ETS1: variants seen among roughly 807,000 people sequenced by gnomAD.
The protein encoded by ETS1 is ETS proto-oncogene 1, transcription factor, also known as protein C-ets-1.
ETS1 carries 15 observed loss-of-function variants against 58.6 expected under a neutral mutation model. The observed-to-expected ratio is 0.26, with a 90% CI of 0.17 to 0.39. ETS1 has a LOEUF of 0.39. ETS1 is among the 10% of genes least tolerant of loss of function. The probability of loss-of-function intolerance (pLI) is 1.00; values close to 1 mark genes in which losing one functional copy is unlikely to be tolerated. For synonymous variants in ETS1, 214 were observed against 218.2 expected, an observed-to-expected ratio of 0.98 and a Z score of 0.17; for missense variants, 417 against 610.5, an observed-to-expected ratio of 0.68 and a Z score of 3.34.
At chr11:128,531,184 C>T (rs543537329) in intron 3 of ETS1, among the ~76,000 whole-genome samples, 28 of 152,266 alleles carry the variant, frequency 1.8e-4, no homozygotes, top group African/African-American at 2.9e-4. Flanking sequence ...AGTAAATAGA[C>T]GAGAGTTTGA....
In ETS1 at chr11:128,466,831, T is replaced by C. The variant is rs148992667; in HGVS notation, c.1124-3204A>G. Among the ~76,000 whole-genome samples the C allele has an allele frequency of 5.9e-4, 90 of 151,908 alleles. 2 individuals are homozygous for C. In the East Asian group the frequency reaches 0.015, roughly 26 times the overall value. On this transcript the variant is annotated intron_variant, in intron 8 of 9. Coordinates refer to ENST00000392668, the MANE Select transcript of ETS1 (RefSeq NM_001143820.2). Reference sequence around the variant, plus strand: ...AGGATAGATAGGAAAAGCAGATACCTAAAGAAATAATGGGAATATGAATGG... The same window carrying C: ...AGGATAGATAGGAAAAGCAGATACCCAAAGAAATAATGGGAATATGAATGG...
Position 128,459,842 on chromosome 11 carries a change from A to G in ETS1, c.*2519T>C, listed in dbSNP as rs1861857982. On this transcript the variant is annotated 3_prime_UTR_variant, in exon 10 of 10. Coordinates refer to ENST00000392668, the MANE Select transcript of ETS1 (RefSeq NM_001143820.2). ...GGAGCACTAGGAGGCACTTTCTTAT[A>G]TCTTATCTGCTATAGGAACTGCAGG... 2 of 152,524 alleles carry G rather than the reference A, an allele frequency of 1.3e-5. No homozygotes were observed. Among genetic ancestry groups the G allele is most frequent in the African/African-American group, 4.8e-5 (2 of 41,444 alleles). The allele number at this position is 152,524 out of a possible 1,614,324, so 9.4% of individuals were successfully genotyped here.
rs182520650 is a variant in ETS1 at position 128,558,126 on chromosome 11, G to A, written c.70-1691C>T. On this transcript the variant is annotated intron_variant, in intron 2 of 9. Coordinates refer to ENST00000392668, the MANE Select transcript of ETS1 (RefSeq NM_001143820.2). ...AGAGCTGGATGAAGTTTACTTTGGGGCTGTTTATCTTCCAACTGCATTAAA... is the reference window on the plus strand; with the variant it reads ...AGAGCTGGATGAAGTTTACTTTGGGACTGTTTATCTTCCAACTGCATTAAA... Among the ~76,000 whole-genome samples the A allele has an allele frequency of 1.2e-3, 188 of 152,302 alleles. 2 individuals carry two copies. Among genetic ancestry groups the A allele is most frequent in the African/African-American group, 4.5e-3 (187 of 41,564 alleles).
At chr11:128,551,682 A>G (rs2135553205) in intron 3 of ETS1, among the ~76,000 whole-genome samples, 1 of 152,290 alleles carries the variant, frequency 6.6e-6, no homozygotes, top group South Asian at 2.1e-4. Context: ...TTTTCTCAGT[A>G]TCCCGGGCAT....
Position 128,577,981 on chromosome 11 carries a change from G to A in ETS1, c.-14-4837C>T, listed in dbSNP as rs910845492. 2.0e-5 allele frequency among the ~76,000 whole-genome samples: 3 copies of A among 151,650 alleles called. No homozygotes were observed. In the South Asian group the frequency reaches 6.2e-4, roughly 31 times the overall value. ...AAGCACCCTCATCACCCTGGATGGC[G>A]AGGACAGAAACAAGCATGAGATGGA... On this transcript the variant is annotated intron_variant, in intron 1 of 9. Transcript: ENST00000392668.
rs922868676 is a variant in ETS1 at position 128,509,060 on chromosome 11, C to T, written c.215-18484G>A. On this transcript the variant is annotated intron_variant, in intron 3 of 9. Transcript: ENST00000392668. ...CAATCTCATTAAAAAAACTAAATCG[C>T]TGTTCGGTTCACCCAGCACCCCAGA... is the stretch of plus-strand genomic sequence containing the variant. Among the ~76,000 whole-genome samples, 10 of 152,250 alleles carry T rather than the reference C, an allele frequency of 6.6e-5. No individual in the cohort carries two copies. In the East Asian group the frequency reaches 1.9e-3, roughly 29 times the overall value.
intron 3 of ETS1, among the ~76,000 whole-genome samples, chr11:128,519,253 C>A (rs114908354): frequency 0.016 from 2,388 of 152,212 alleles, 51 homozygotes; most frequent in African/African-American, 0.054. Context: ...CATAAAGGTT[C>A]TTGGTCAGGT....
At chr11:128,475,767 G>A (rs2135431697) in intron 8 of ETS1, among the ~76,000 whole-genome samples, 1 of 152,124 alleles carries the variant, frequency 6.6e-6, no homozygotes, top group Non-Finnish European at 1.5e-5. Flanking sequence ...TAGCCAGGAT[G>A]GTCTCGATCT....
chr11:128,473,556 A>G (rs2135427501), intron 8 of ETS1, among the ~76,000 whole-genome samples: 1 of 152,160 alleles, frequency 6.6e-6, no homozygotes, highest in East Asian at 1.9e-4. Context: ...TCAATTCTAC[A>G]GGGATGGCCC....
intron 3 of ETS1, among the ~76,000 whole-genome samples, chr11:128,498,881 T>A (rs1303677163): frequency 6.6e-6 from 1 of 152,234 alleles, no homozygotes; most frequent in African/African-American, 2.4e-5. Flanking sequence ...CATAGATAAT[T>A]ACACCTGACT....
intron 3 of ETS1, among the ~76,000 whole-genome samples, chr11:128,553,247 G>A (rs77060616): frequency 0.023 from 3,495 of 152,270 alleles, 58 homozygotes; most frequent in African/African-American, 0.052. Context: ...GTAGGAGGAG[G>A]TAGAAATGAA....
At chr11:128,585,742 C>T (rs1475081772) in intron 1 of ETS1, among the ~76,000 whole-genome samples, 1 of 152,216 alleles carries the variant, frequency 6.6e-6, no homozygotes. Flanking sequence ...AGGCGGGGCG[C>T]AAATGATTGC....
Position 128,463,879 on chromosome 11 carries a change from C to T in ETS1, c.1124-252G>A, listed in dbSNP as rs181747380. ...GCTTTATTTTGATTAACTTAAGGAT[C>T]GGTTCATTTTTATTGCTAAACAAAT... On this transcript the variant is annotated intron_variant, in intron 8 of 9. Coordinates refer to ENST00000392668, the MANE Select transcript of ETS1 (RefSeq NM_001143820.2). This position sits in a 1 kb window ranked among gnomAD's most constrained non-coding sequence, Gnocchi z 4.1. 8 of 264,772 alleles carry T rather than the reference C, an allele frequency of 3.0e-5. No individual in the cohort carries two copies. The highest frequency in any genetic ancestry group is 5.2e-5 in the Admixed American group (1 of 19,262). 16.4% of individuals were successfully genotyped at this position (264,772 alleles called of 1,614,324 possible).
intron 6 of ETS1, 76 bp from the exon 7 acceptor site, chr11:128,485,147 C>G: frequency 7.5e-7 from 1 of 1,331,890 alleles, no homozygotes; most frequent in Admixed American, 2.2e-5. Flanking sequence ...ATCTACAGGG[C>G]CCTATGATGT....
intron 8 of ETS1, among the ~76,000 whole-genome samples, chr11:128,469,302 G>A (rs1862121856): frequency 6.6e-6 from 1 of 152,216 alleles, no homozygotes; most frequent in African/African-American, 2.4e-5. Flanking sequence ...GGCTGACTCT[G>A]CCCTGATAGC....
At chr11:128,516,656 G>A (rs1159223823) in intron 3 of ETS1, among the ~76,000 whole-genome samples, 2 of 152,130 alleles carry the variant, frequency 1.3e-5, no homozygotes, top group Non-Finnish European at 2.9e-5. Context: ...GTAGACACCT[G>A]GGGCTGTCTT....
At chr11:128,523,386 C>T (rs1373887741) in intron 3 of ETS1, among the ~76,000 whole-genome samples, 2 of 152,222 alleles carry the variant, frequency 1.3e-5, no homozygotes, top group Admixed American at 6.5e-5. Flanking sequence ...TCAACCAGTA[C>T]ATGTATATAT....
chr11:128,584,675 C>T (rs1203454724), intron 1 of ETS1, among the ~76,000 whole-genome samples: 2 of 152,058 alleles, frequency 1.3e-5, no homozygotes, highest in Non-Finnish European at 2.9e-5. Context: ...ACTTTCAGTA[C>T]AGCAGGGATA....
intron 3 of ETS1, among the ~76,000 whole-genome samples, chr11:128,517,582 T>C (rs954528025): frequency 3.9e-5 from 6 of 152,234 alleles, no homozygotes; most frequent in African/African-American, 1.2e-4. Flanking sequence ...CCACCTTCAA[T>C]GCAAGCTCAT....
Sources: allele counts gnomAD v4.1 joint callset (sites outside exome capture counted in the v4.1 genomes callset), GRCh38; gene constraint gnomAD v4.1.1; non-coding constraint Gnocchi (gnomAD v3.1); transcripts MANE v1.5; gene names NCBI Gene and HGNC (gene_info 2026-07-23, HGNC 2026-07-21).